The following TUBA8 variants were observed in gnomAD, a reference collection of about 807,000 sequenced individuals.
TUBA8 encodes the protein tubulin alpha-8 chain.
TUBA8 carries 29 observed loss-of-function variants against 34.7 expected under a neutral mutation model. That is an observed-to-expected ratio of 0.84 (90% CI 0.62 to 1.14). The LOEUF (loss-of-function observed/expected upper bound fraction) is 1.14. Among genes scored for constraint, TUBA8 ranks in the 50% most tolerant of loss-of-function variants. TUBA8 has a pLI of 0.00. For synonymous variants in TUBA8, 226 were observed against 231.2 expected, an observed-to-expected ratio of 0.98 and a Z score of 0.21; for missense variants, 541 against 599.2, an observed-to-expected ratio of 0.90 and a Z score of 1.01.
At position 18,130,586 on chromosome 22, in the gene TUBA8, G is replaced by A. The variant is rs571887795; in HGVS notation, c.1057-257G>A. ...CTAGTAGGCATAGCCACCGGGCCTG[G>A]CTAATTTTTTTTTTTTTTTTGGTAG... On this transcript the variant is annotated intron_variant, in intron 4 of 4. Transcript: ENST00000330423. The A allele has an allele frequency of 2.6e-5, 14 of 532,222 alleles. No individual in the cohort carries two copies. The East Asian group carries it at 4.6e-4, about 17-fold the overall frequency. The allele number at this position is 532,222 out of a possible 1,614,324, so 33.0% of individuals were successfully genotyped here. A position where few individuals can be genotyped will look rare whatever the true frequency, so the allele number is the denominator to read the frequency against.
In TUBA8 at chr22:18,124,023, C is replaced by T. The variant is rs937608439; in HGVS notation, c.227-133C>T. 10 of 1,069,770 alleles carry T rather than the reference C, an allele frequency of 9.3e-6. No homozygotes were observed. Among genetic ancestry groups the T allele is most frequent in the Admixed American group, 3.9e-5 (2 of 50,730 alleles). 66.3% of individuals were successfully genotyped at this position (1,069,770 alleles called of 1,614,324 possible). On this transcript the variant is annotated intron_variant, in intron 2 of 4. Coordinates refer to ENST00000330423, the MANE Select transcript of TUBA8 (RefSeq NM_018943.3). The surrounding 1 kb of genome is among the most constrained non-coding windows in gnomAD (Gnocchi z 4.3). The stretch of plus-strand genomic sequence containing the variant: ...CTCTTAGCCTTTTGCAGATTCATTA[C>T]GAGGTGGTCTGGCTTCAAACCTCCA...
chr22:18,113,151 C>T (rs1196777745), intron 1 of TUBA8: 1 of 152,242 alleles, frequency 6.6e-6, no homozygotes, highest in African/African-American at 2.4e-5. Context: ...GAACTTACCC[C>T]CAACCCCTTC....
chr22:18,119,322 A>G lies in TUBA8; in HGVS notation c.4-2157A>G, dbSNP rs1928073632. On this transcript the variant is annotated intron_variant, in intron 1 of 4. Transcript: ENST00000330423. The surrounding 1 kb of genome is among the most constrained non-coding windows in gnomAD (Gnocchi z 5.9). ...CAGAGAATAGACCCCACAATAAAGG[A>G]GAGAGGAGCAGGGACCTGAGAGCTC... 6.6e-6 allele frequency: 1 copy of G among 152,196 alleles called. No homozygotes were observed. The highest frequency in any genetic ancestry group is 2.1e-4 in the South Asian group (1 of 4,836). 9.4% of individuals were successfully genotyped at this position (152,196 alleles called of 1,614,324 possible).
chr22:18,125,914 T>TGG (rs1427820457), intron 3 of TUBA8: 1 of 227,186 alleles, frequency 4.4e-6, no homozygotes, highest in African/African-American at 2.3e-5. Flanking sequence ...CAAGCCAGAG[T>TGG]GCAGTGGTGT....
Position 18,121,480 on chromosome 22 carries a change from G to A in TUBA8, c.5G>A (p.Arg2Gln), listed in dbSNP as rs761087286. 43 of 1,613,738 alleles carry A rather than the reference G, an allele frequency of 2.7e-5. No individual in the cohort carries two copies. The highest frequency in any genetic ancestry group is 5.3e-5 in the African/African-American group (4 of 74,904). Residue 2 changes from arginine to glutamine, a missense_variant and splice_region_variant, in exon 2 of 5, where the codon CGG becomes CAG. Arg to Gln is a conservative substitution (Grantham distance 43). Transcript: ENST00000330423. The surrounding 1 kb of genome is among the most constrained non-coding windows in gnomAD (Gnocchi z 4.8). Reference protein sequence around the residue: MRECISVHVGQA... With the variant: MQECISVHVGQA... The stretch of plus-strand genomic sequence containing the variant: ...CTCGTTGCTTCCCTCTCCCCACAGC[G>A]GGAATGCATATCAGTCCACGTGGGC...
At position 18,111,007 on chromosome 22, in the gene TUBA8, G is replaced by A; in HGVS notation, c.3+139G>A. The A allele has an allele frequency of 7.6e-7, 1 of 1,322,906 alleles. No homozygotes were observed. Among genetic ancestry groups the A allele is most frequent in the Non-Finnish European group, 1.0e-6 (1 of 958,460 alleles). 81.9% of individuals were successfully genotyped at this position (1,322,906 alleles called of 1,614,324 possible). On this transcript the variant is annotated intron_variant, in intron 1 of 4. Transcript: ENST00000330423. This position sits in a 1 kb window ranked among gnomAD's most constrained non-coding sequence, Gnocchi z 5.1. ...CTTCTGGGGGTGGCAGTTCAGGGTCGAGGAGTCCGCACCCTCGGGCGGGAA... is the reference window on the plus strand; with the variant it reads ...CTTCTGGGGGTGGCAGTTCAGGGTCAAGGAGTCCGCACCCTCGGGCGGGAA...
intron 3 of TUBA8, chr22:18,125,169 A>T (rs1928273927): frequency 6.6e-6 from 1 of 152,082 alleles, no homozygotes; most frequent in Non-Finnish European, 1.5e-5. Flanking sequence ...TATTTTATTT[A>T]ATTGTCACAA....
rs1927827514 is a variant in TUBA8 at position 18,111,984 on chromosome 22, C to T, written c.3+1116C>T. 1 of 152,098 alleles carries T rather than the reference C, an allele frequency of 6.6e-6. No individual in the cohort carries two copies. Among genetic ancestry groups the T allele is most frequent in the Non-Finnish European group, 1.5e-5 (1 of 68,036 alleles). 9.4% of individuals were successfully genotyped at this position (152,098 alleles called of 1,614,324 possible). ...CTCCTCCTAGCGGGCTCCCAGACAC[C>T]CCTGGGAACTGAAAGAACTTGGGAA... is the stretch of plus-strand genomic sequence containing the variant. On this transcript the variant is annotated intron_variant, in intron 1 of 4. Transcript: ENST00000330423. This position sits in a 1 kb window ranked among gnomAD's most constrained non-coding sequence, Gnocchi z 5.1.
chr22:18,130,587 CTAAT>C (rs1928465466), intron 4 of TUBA8: 1 of 526,268 alleles, frequency 1.9e-6, no homozygotes, highest in African/African-American at 3.1e-5. Flanking sequence ...CCGGGCCTGG[CTAAT>C]TTTTTTTTTT....
Position 18,111,567 on chromosome 22 carries a change from C to G in TUBA8, c.3+699C>G, listed in dbSNP as rs1927813584. ...TAGGGGGATCGCGGCTGCTCCCTTCCCTGCCCCCGCCCCTGGATCTTACTG... is the reference window on the plus strand; with the variant it reads ...TAGGGGGATCGCGGCTGCTCCCTTCGCTGCCCCCGCCCCTGGATCTTACTG... On this transcript the variant is annotated intron_variant, in intron 1 of 4. Transcript: ENST00000330423. This position sits in a 1 kb window ranked among gnomAD's most constrained non-coding sequence, Gnocchi z 5.1. The G allele has an allele frequency of 6.6e-6, 1 of 152,156 alleles. No individual in the cohort carries two copies. The highest frequency in any genetic ancestry group is 1.5e-5 in the Non-Finnish European group (1 of 68,070). The allele number at this position is 152,156 out of a possible 1,614,324, so 9.4% of individuals were successfully genotyped here.
At chr22:18,128,796 C>A (rs1928415401) in intron 4 of TUBA8, 1 of 152,278 alleles carries the variant, frequency 6.6e-6, no homozygotes, top group Non-Finnish European at 1.5e-5. Context: ...ATCCACCTGC[C>A]TCAGCCTCTC....
chr22:18,121,605 A>G lies in TUBA8; in HGVS notation c.130A>G (p.Asn44Asp). ...TTTTGATGCTCAAGCTAGCAAGATCAACGATGATGACTCCTTCACCACCTT... is the reference window on the plus strand; with the variant it reads ...TTTTGATGCTCAAGCTAGCAAGATCGACGATGATGACTCCTTCACCACCTT... ...GTFDAQASKI[N>D]DDDSFTTFFS... Residue 44 changes from asparagine to aspartate, a missense_variant, in exon 2 of 5, where the codon AAC (asparagine) becomes GAC (aspartate). By Grantham distance (23) the Asn-to-Asp change is conservative. Transcript: ENST00000330423. The surrounding 1 kb of genome is among the most constrained non-coding windows in gnomAD (Gnocchi z 4.8). 1 of 1,614,238 alleles carries G rather than the reference A, an allele frequency of 6.2e-7. No homozygotes were observed. The highest frequency in any genetic ancestry group is 8.5e-7 in the Non-Finnish European group (1 of 1,180,042).
At chr22:18,116,454 C>G (rs1927978009) in intron 1 of TUBA8, 1 of 152,192 alleles carries the variant, frequency 6.6e-6, no homozygotes, top group Non-Finnish European at 1.5e-5. Context: ...CTGTGACATA[C>G]TGAATTTGTC....
At chr22:18,122,676 T>G (rs972269841) in intron 2 of TUBA8, 1 of 152,108 alleles carries the variant, frequency 6.6e-6, no homozygotes, top group Non-Finnish European at 1.5e-5. Context: ...ATATGTCTAA[T>G]GCCTGACATA....
At chr22:18,120,796 C>T (rs1447992018) in intron 1 of TUBA8, 1 of 152,798 alleles carries the variant, frequency 6.5e-6, no homozygotes, top group African/African-American at 2.4e-5. Context: ...TGTGGCTTCA[C>T]ATCAGCTTTA....
rs905704009 is a variant in TUBA8, at chr22:18,121,827, C to A, written c.226+126C>A. On this transcript the variant is annotated intron_variant, in intron 2 of 4. Transcript: ENST00000330423. This position sits in a 1 kb window ranked among gnomAD's most constrained non-coding sequence, Gnocchi z 4.8. ...GGATGGTGCAACCGCAGCCTCCCAC[C>A]CCACGTGACATCTGTCAGCTCCTTG... The A allele has an allele frequency of 3.5e-6, 3 of 861,812 alleles. No individual in the cohort carries two copies. Among genetic ancestry groups the A allele is most frequent in the Non-Finnish European group, 5.5e-6 (3 of 545,956 alleles). 53.4% of individuals were successfully genotyped at this position (861,812 alleles called of 1,614,324 possible).
intron 2 of TUBA8, chr22:18,123,700 G>A (rs1028655748): frequency 1.6e-4 from 32 of 203,142 alleles, no homozygotes; most frequent in East Asian, 2.3e-4. Context: ...TCAGGCCTCC[G>A]AGTAGCTGGG....
In TUBA8 at chr22:18,121,343, AC is replaced by A; in HGVS notation, c.4-134del. ...GGTCCAGCTGCTATAGAGCTGGGGC[AC>A]CTGCAGCCTCAACGCCAACTGGCAA... is the stretch of plus-strand genomic sequence containing the variant. On this transcript the variant is annotated intron_variant, in intron 1 of 4. Transcript: ENST00000330423. The surrounding 1 kb of genome is among the most constrained non-coding windows in gnomAD (Gnocchi z 4.8). 1.4e-6 allele frequency: 1 copy of A among 727,984 alleles called. No individual in the cohort carries two copies. Among genetic ancestry groups the A allele is most frequent in the East Asian group, 2.6e-5 (1 of 38,402 alleles). 45.1% of individuals were successfully genotyped at this position (727,984 alleles called of 1,614,324 possible). A position where few individuals can be genotyped will look rare whatever the true frequency, so the allele number is the denominator to read the frequency against.
At chr22:18,117,109 T>C (rs1306683848) in intron 1 of TUBA8, 1 of 152,216 alleles carries the variant, frequency 6.6e-6, no homozygotes, top group Non-Finnish European at 1.5e-5. Context: ...CTTTTTACTA[T>C]GAAAAATTTT....
Sources: gnomAD v4.1 joint callset for allele counts on GRCh38, gnomAD v4.1.1 for gene constraint, Gnocchi (gnomAD v3.1) non-coding constraint, MANE v1.5 for transcripts, NCBI Gene and HGNC (gene_info 2026-07-23, HGNC 2026-07-21) for gene names.